The following ONECUT2 variants were observed in gnomAD, a reference collection of about 807,000 sequenced individuals.
ONECUT2 encodes the protein one cut homeobox 2.
ONECUT2 carries 10 observed loss-of-function variants against 27.9 expected under a neutral mutation model. The observed-to-expected ratio is 0.36, with a 90% CI of 0.22 to 0.61. The LOEUF (loss-of-function observed/expected upper bound fraction) is 0.61, where lower values mean the gene tolerates loss of function less well. Ranked by LOEUF, ONECUT2 falls within the 20% of genes least tolerant of loss-of-function variation. ONECUT2 has a pLI of 0.73. For synonymous variants in ONECUT2, 334 were observed against 315.1 expected (o/e 1.06, Z -0.64); for missense variants, 686 against 721.0 (o/e 0.95, Z 0.56).
Position 57,483,761 on chromosome 18 carries a change from A to C in ONECUT2, c.*7038A>C, listed in dbSNP as rs643062. 0.39 allele frequency: 58,958 copies of C among 152,470 alleles called. 11,885 individuals are homozygous for C. Among genetic ancestry groups the C allele is most frequent in the East Asian group, 0.48 (2,491 of 5,162 alleles). 9.4% of individuals were successfully genotyped at this position (152,470 alleles called of 1,614,324 possible). A position where few individuals can be genotyped will look rare whatever the true frequency, so the allele number is the denominator to read the frequency against. On this transcript the variant is annotated 3_prime_UTR_variant, in exon 2 of 2. Transcript: ENST00000491143. ...TAACTTTTAAAATAGTCTAAGTAAC[A>C]ATTTTTAAATTATTTAACTTAAGTT...
rs565426656 is a variant in ONECUT2 at position 57,468,451 on chromosome 18, G to C, written c.1229-7986G>C. On this transcript the variant is annotated intron_variant, in intron 1 of 1. Coordinates refer to ENST00000491143, the MANE Select transcript of ONECUT2 (RefSeq NM_004852.3). ...GAACCTAAGTGGCCTTTGGTGATGC[G>C]TCAGAAATCACAATGAAGCAAGGAA... Among the ~76,000 whole-genome samples the C allele has an allele frequency of 1.9e-4, 29 of 152,306 alleles. No homozygotes were observed. The South Asian group carries it at 6.0e-3, about 32-fold the overall frequency.
intron 1 of ONECUT2, among the ~76,000 whole-genome samples, chr18:57,474,532 C>T (rs1034260069): frequency 6.6e-6 from 1 of 152,176 alleles, no homozygotes; most frequent in African/African-American, 2.4e-5. Flanking sequence ...ACAGAGAAGA[C>T]TTTCTCACTG....
At position 57,436,001 on chromosome 18, in the gene ONECUT2, A is replaced by AGCG. The variant is rs764532372; in HGVS notation, c.291_293dup (p.Ala101dup). ...CGCACCAGGAGCTGGGCACGGCGGC[A>AGCG]GCGGCGGCAGCGGCGGCGTCGCGCT... On this transcript the variant is annotated inframe_insertion, in exon 1 of 2. Transcript: ENST00000491143. The surrounding 1 kb of genome is among the most constrained non-coding windows in gnomAD (Gnocchi z 5.9). 6.7e-7 allele frequency: 1 copy of AGCG among 1,491,804 alleles called. No homozygotes were observed. Among genetic ancestry groups the AGCG allele is most frequent in the Admixed American group, 2.1e-5 (1 of 48,706 alleles). The allele number at this position is 1,491,804 out of a possible 1,614,324, so 92.4% of individuals were successfully genotyped here.
intron 1 of ONECUT2, among the ~76,000 whole-genome samples, chr18:57,461,587 A>C (rs758150248): frequency 1.3e-5 from 2 of 152,254 alleles, no homozygotes; most frequent in Non-Finnish European, 2.9e-5. Flanking sequence ...GCCCAATAAG[A>C]GTCACTTCAT....
At chr18:57,448,270 G>C (rs2050211833) in intron 1 of ONECUT2, among the ~76,000 whole-genome samples, 1 of 152,156 alleles carries the variant, frequency 6.6e-6, no homozygotes. Context: ...GTAGAGCATT[G>C]GAATAGACAA....
chr18:57,438,085 G>A (rs2050153360), intron 1 of ONECUT2, among the ~76,000 whole-genome samples: 1 of 152,256 alleles, frequency 6.6e-6, no homozygotes, highest in Non-Finnish European at 1.5e-5. Flanking sequence ...AACCTCCTGT[G>A]TGGGCGGCGG....
chr18:57,467,074 C>T (rs1489734998), intron 1 of ONECUT2: 2 of 426,990 alleles, frequency 4.7e-6, no homozygotes, highest in Non-Finnish European at 9.4e-6. Flanking sequence ...GTGAGACATC[C>T]AAGAGCCCTC....
chr18:57,447,300 A>G (rs1320340852), intron 1 of ONECUT2, among the ~76,000 whole-genome samples: 2 of 152,206 alleles, frequency 1.3e-5, no homozygotes, highest in East Asian at 1.9e-4. Flanking sequence ...GAACAGCGCC[A>G]TGGAGGAACG....
At chr18:57,466,053 T>A (rs2050319416) in intron 1 of ONECUT2, among the ~76,000 whole-genome samples, 1 of 152,220 alleles carries the variant, frequency 6.6e-6, no homozygotes, top group South Asian at 2.1e-4. Context: ...AAGGGAGTGA[T>A]GTACCAGCCT....
At chr18:57,450,934 G>A (rs997297457) in intron 1 of ONECUT2, among the ~76,000 whole-genome samples, 8 of 152,090 alleles carry the variant, frequency 5.3e-5, no homozygotes, top group Admixed American at 2.6e-4. Flanking sequence ...CTAAGTAGTT[G>A]GGAGTGAAAA....
intron 1 of ONECUT2, among the ~76,000 whole-genome samples, chr18:57,449,307 G>A (rs1168198619): frequency 1.3e-5 from 2 of 152,194 alleles, no homozygotes; most frequent in South Asian, 2.1e-4. Context: ...ACAGGAGGCA[G>A]CCAATAAATA....
rs1323672271 is a variant in ONECUT2, at chr18:57,482,191, G to T, written c.*5468G>T. ...GATAATGATGTTGATTTTAAATATGGATGTCTCAATGCCTGTTTTCTATCA... is the reference window on the plus strand; with the variant it reads ...GATAATGATGTTGATTTTAAATATGTATGTCTCAATGCCTGTTTTCTATCA... On this transcript the variant is annotated 3_prime_UTR_variant, in exon 2 of 2. Coordinates refer to ENST00000491143, the MANE Select transcript of ONECUT2 (RefSeq NM_004852.3). 6.6e-6 allele frequency: 1 copy of T among 152,164 alleles called. No homozygotes were observed. Among genetic ancestry groups the T allele is most frequent in the Non-Finnish European group, 1.5e-5 (1 of 68,032 alleles). The allele number at this position is 152,164 out of a possible 1,614,324, so 9.4% of individuals were successfully genotyped here. A position where few individuals can be genotyped will look rare whatever the true frequency, so the allele number is the denominator to read the frequency against.
chr18:57,459,001 G>C (rs2050275495), intron 1 of ONECUT2, among the ~76,000 whole-genome samples: 1 of 151,990 alleles, frequency 6.6e-6, no homozygotes, highest in Non-Finnish European at 1.5e-5. Flanking sequence ...TATACTTGCT[G>C]GTCATATATA....
intron 1 of ONECUT2, among the ~76,000 whole-genome samples, chr18:57,475,475 C>T (rs2050377185): frequency 6.6e-6 from 1 of 152,086 alleles, no homozygotes; most frequent in Admixed American, 6.6e-5. Context: ...GTACAGATTC[C>T]CTGAAAGCGT....
At chr18:57,465,861 A>G (rs540585416) in intron 1 of ONECUT2, among the ~76,000 whole-genome samples, 39 of 152,296 alleles carry the variant, frequency 2.6e-4, no homozygotes, top group African/African-American at 8.9e-4. Context: ...CCAAGCTTCC[A>G]TCTAATCAGC....
rs2050440216 is a variant in ONECUT2, at chr18:57,486,673, G to T, written c.*9950G>T. On this transcript the variant is annotated 3_prime_UTR_variant, in exon 2 of 2. Transcript: ENST00000491143. ...GTGCTTTTGTAATAGATGAAAAAAG[G>T]TGCGCTTAAAAAGAAAATGTATGTT... 6.6e-6 allele frequency: 1 copy of T among 152,608 alleles called. No individual in the cohort carries two copies. The highest frequency in any genetic ancestry group is 2.1e-4 in the South Asian group (1 of 4,832). The allele number at this position is 152,608 out of a possible 1,614,324, so 9.5% of individuals were successfully genotyped here. A position where few individuals can be genotyped will look rare whatever the true frequency, so the allele number is the denominator to read the frequency against.
chr18:57,470,035 T>C (rs1406456373), intron 1 of ONECUT2, among the ~76,000 whole-genome samples: 2 of 152,234 alleles, frequency 1.3e-5, no homozygotes, highest in African/African-American at 2.4e-5. Context: ...ACAATAATGC[T>C]GCAAAACACA....
rs2050133731 is a variant in ONECUT2 at position 57,435,613 on chromosome 18, C to G, written c.-104C>G. On this transcript the variant is annotated 5_prime_UTR_variant, in exon 1 of 2. Coordinates refer to ENST00000491143, the MANE Select transcript of ONECUT2 (RefSeq NM_004852.3). The stretch of plus-strand genomic sequence containing the variant: ...GCACGCGCACTCCTCTCCACTCACT[C>G]CCGCGCCCGCCCCCACTCCCGCAGC... The G allele has an allele frequency of 1.0e-6, 1 of 963,504 alleles. No homozygotes were observed. The highest frequency in any genetic ancestry group is 1.2e-6 in the Non-Finnish European group (1 of 809,780). 59.7% of individuals were successfully genotyped at this position (963,504 alleles called of 1,614,324 possible).
intron 1 of ONECUT2, among the ~76,000 whole-genome samples, chr18:57,442,780 G>A (rs568951198): frequency 6.6e-6 from 1 of 152,300 alleles, no homozygotes; most frequent in Admixed American, 6.5e-5. Context: ...TCTGGGCAAA[G>A]GATAAACTGA....
Sources: allele counts gnomAD v4.1 joint callset (sites outside exome capture counted in the v4.1 genomes callset), GRCh38; gene constraint gnomAD v4.1.1; non-coding constraint Gnocchi (gnomAD v3.1); transcripts MANE v1.5; gene names NCBI Gene and HGNC (gene_info 2026-07-23, HGNC 2026-07-21).